SC5D: variants seen among roughly 807,000 people sequenced by gnomAD.
SC5D encodes the protein sterol-C5-desaturase, also known as lathosterol oxidase.
SC5D carries 21 observed loss-of-function variants against 23.9 expected under a neutral mutation model. The ratio of observed to expected loss-of-function variants is 0.88; its 90% CI spans 0.62 to 1.26. SC5D has a LOEUF of 1.26. Among genes scored for constraint, SC5D ranks in the 50% most tolerant of loss-of-function variants. The pLI is 0.00. For missense variants in SC5D, 309 were observed against 364.8 expected (o/e 0.85, Z 1.25); for synonymous variants, 113 against 125.9 (o/e 0.90, Z 0.68).
intron 1 of SC5D, among the ~76,000 whole-genome samples, chr11:121,299,207 T>C (rs1947909908): frequency 6.6e-6 from 1 of 152,224 alleles, no homozygotes; most frequent in African/African-American, 2.4e-5. Context: ...ATGACATTGG[T>C]AGAAATCTTT....
At chr11:121,298,830 A>AG (rs764995246) in intron 1 of SC5D, among the ~76,000 whole-genome samples, 1 of 152,174 alleles carries the variant, frequency 6.6e-6, no homozygotes, top group African/African-American at 2.4e-5. Context: ...AAAAGGAGTT[A>AG]GGGGTGGGGC....
intron 1 of SC5D, among the ~76,000 whole-genome samples, chr11:121,294,661 C>T (rs754826078): frequency 6.6e-5 from 10 of 152,114 alleles, no homozygotes; most frequent in Admixed American, 1.3e-4. Context: ...GCATTTTTGA[C>T]GGCCTTAACA....
intron 1 of SC5D, among the ~76,000 whole-genome samples, chr11:121,293,288 C>A (rs1947865037): frequency 6.6e-6 from 1 of 152,234 alleles, no homozygotes; most frequent in Non-Finnish European, 1.5e-5. Flanking sequence ...TTGCAGATCT[C>A]TTACTCAAGG....
At chr11:121,299,074 G>T (rs180958231) in intron 1 of SC5D, among the ~76,000 whole-genome samples, 1 of 152,200 alleles carries the variant, frequency 6.6e-6, no homozygotes, top group African/African-American at 2.4e-5. Flanking sequence ...TGACAATAGC[G>T]GGAAGATAGT....
At chr11:121,300,965 G>A (rs572040779) in intron 1 of SC5D, among the ~76,000 whole-genome samples, 4 of 152,308 alleles carry the variant, frequency 2.6e-5, no homozygotes, top group South Asian at 2.1e-4. Context: ...ATTACTTAAC[G>A]CACAGCAACA....
rs1014110684 is a variant in SC5D at position 121,311,315 on chromosome 11, A to AT, written c.*3810dup. Among the ~76,000 whole-genome samples, 34 of 152,230 alleles carry AT rather than the reference A, an allele frequency of 2.2e-4. No homozygotes were observed. Among genetic ancestry groups the AT allele is most frequent in the Middle Eastern group, 3.4e-3 (1 of 294 alleles). Reference sequence around the variant, plus strand: ...TCTGATGCTGTCTTTTTGGCCAACCATTTTTTTATCATTTATTCATTAGCT... The same window carrying AT: ...TCTGATGCTGTCTTTTTGGCCAACCATTTTTTTTATCATTTATTCATTAGCT... On this transcript the variant is annotated 3_prime_UTR_variant, in exon 5 of 5. Transcript: ENST00000264027.
At chr11:121,293,623 C>A (rs1947868306) in intron 1 of SC5D, among the ~76,000 whole-genome samples, 1 of 152,156 alleles carries the variant, frequency 6.6e-6, no homozygotes, top group African/African-American at 2.4e-5. Flanking sequence ...CATAGAGTTT[C>A]CAAACTGGAA....
chr11:121,310,661 C>T lies in SC5D; in HGVS notation c.*3149C>T, dbSNP rs1409770236. Among the ~76,000 whole-genome samples the T allele has an allele frequency of 1.3e-5, 2 of 151,954 alleles. No homozygotes were observed. Among genetic ancestry groups the T allele is most frequent in the South Asian group, 2.1e-4 (1 of 4,808 alleles). ...ATTTTTAGTAGAGATGGGGTTTCAC[C>T]GTGTTAGCCAGGATGGTCTTGATCT... On this transcript the variant is annotated 3_prime_UTR_variant, in exon 5 of 5. Coordinates refer to ENST00000264027, the MANE Select transcript of SC5D (RefSeq NM_006918.5).
chr11:121,296,342 A>G (rs369529468), intron 1 of SC5D, among the ~76,000 whole-genome samples: 1 of 152,172 alleles, frequency 6.6e-6, no homozygotes, highest in African/African-American at 2.4e-5. Flanking sequence ...TTACAAGTCC[A>G]TCCCCTAACA....
rs1438435740 is a variant in SC5D, at chr11:121,292,801, G to A, written c.-26G>A. The A allele has an allele frequency of 1.3e-5, 2 of 152,744 alleles. No homozygotes were observed. The highest frequency in any genetic ancestry group is 4.8e-5 in the African/African-American group (2 of 41,556). The allele number at this position is 152,744 out of a possible 1,614,324, so 9.5% of individuals were successfully genotyped here. ...GCAGAGCAGTGGCGTGCGGAGCGGC[G>A]GCGGACCACCTCCAGGTGGGGACGG... On this transcript the variant is annotated 5_prime_UTR_variant, in exon 1 of 5. Transcript: ENST00000264027.
At position 121,309,394 on chromosome 11, in the gene SC5D, G is replaced by T. The variant is rs537323098; in HGVS notation, c.*1882G>T. 6.6e-6 allele frequency among the ~76,000 whole-genome samples: 1 copy of T among 152,130 alleles called. No individual in the cohort carries two copies. The highest frequency in any genetic ancestry group is 6.5e-5 in the Admixed American group (1 of 15,270). On this transcript the variant is annotated 3_prime_UTR_variant, in exon 5 of 5. Transcript: ENST00000264027. ...CACATGGCCCACCTAGAGAGATTTT[G>T]GGAAATGTGTCCAGCTGTGTGCCTG...
At position 121,308,661 on chromosome 11, in the gene SC5D, C is replaced by T. The variant is rs1258656095; in HGVS notation, c.*1149C>T. On this transcript the variant is annotated 3_prime_UTR_variant, in exon 5 of 5. Coordinates refer to ENST00000264027, the MANE Select transcript of SC5D (RefSeq NM_006918.5). Reference sequence around the variant, plus strand: ...GTATCAGTTGAGTATTATAGCAGCACAAAGTATTCTTTGTACAGATTTTGT... The same window carrying T: ...GTATCAGTTGAGTATTATAGCAGCATAAAGTATTCTTTGTACAGATTTTGT... 2 of 152,634 alleles carry T rather than the reference C, an allele frequency of 1.3e-5. No homozygotes were observed. Among genetic ancestry groups the T allele is most frequent in the East Asian group, 1.9e-4 (1 of 5,202 alleles). The allele number at this position is 152,634 out of a possible 1,614,324, so 9.5% of individuals were successfully genotyped here. A position where few individuals can be genotyped will look rare whatever the true frequency, so the allele number is the denominator to read the frequency against.
At position 121,307,154 on chromosome 11, in the gene SC5D, A is replaced by G. The variant is rs746016466; in HGVS notation, c.542A>G (p.His181Arg). The G allele has an allele frequency of 3.1e-6, 5 of 1,614,060 alleles. No homozygotes were observed. The highest frequency in any genetic ancestry group is 3.4e-6 in the Non-Finnish European group (4 of 1,179,942). ...GGCTTTCTTCAGAGTCTACCTTACC[A>G]TATATACCCTTTTATCTTTCCATTA... ...IDGFLQSLPY[H>R]IYPFIFPLHK... The change falls in exon 5 of 5, where the codon CAT becomes CGT. Residue 181 changes from histidine (H) to arginine (R), a missense_variant. Transcript: ENST00000264027.
rs747164306 is a variant in SC5D at position 121,308,569 on chromosome 11, CAT to C, written c.*1059_*1060del. On this transcript the variant is annotated 3_prime_UTR_variant, in exon 5 of 5. Coordinates refer to ENST00000264027, the MANE Select transcript of SC5D (RefSeq NM_006918.5). Reference sequence around the variant, plus strand: ...TGTTGTAACAAATATATTGCAAAAACATAGTTTGTAAAGGCATTCTATAAGCT... The same window carrying C: ...TGTTGTAACAAATATATTGCAAAAACAGTTTGTAAAGGCATTCTATAAGCT... The C allele has an allele frequency of 6.6e-6, 1 of 152,530 alleles. No homozygotes were observed. The highest frequency in any genetic ancestry group is 1.9e-4 in the East Asian group (1 of 5,202). 9.4% of individuals were successfully genotyped at this position (152,530 alleles called of 1,614,324 possible).
At chr11:121,298,687 C>T in intron 1 of SC5D, among the ~76,000 whole-genome samples, 1 of 152,166 alleles carries the variant, frequency 6.6e-6, no homozygotes, top group East Asian at 1.9e-4. Flanking sequence ...GGGGACATTG[C>T]TGAAAGGTTT....
rs1239820473 is a variant in SC5D, at chr11:121,307,166, T to G, written c.554T>G (p.Phe185Cys). The change falls in exon 5 of 5, where the codon TTT becomes TGT. Residue 185 changes from phenylalanine to cysteine, a missense_variant. Transcript: ENST00000264027. ...AGTCTACCTTACCATATATACCCTT[T>G]TATCTTTCCATTACACAAGGTGGTT... is the stretch of plus-strand genomic sequence containing the variant. ...LQSLPYHIYP[F>C]IFPLHKVVYL... is the part of the protein sequence containing the mutation. 6.2e-7 allele frequency: 1 copy of G among 1,614,000 alleles called. No individual in the cohort carries two copies. The highest frequency in any genetic ancestry group is 2.2e-5 in the East Asian group (1 of 44,894).
rs755292471 is a variant in SC5D, at chr11:121,303,508, C to T, written c.133C>T (p.Leu45Phe). The change falls in exon 2 of 5, where the codon CTT becomes TTT. Residue 45 changes from leucine (L) to phenylalanine (F), a missense_variant. Leu to Phe is a conservative substitution (Grantham distance 22). Transcript: ENST00000264027. ...LIVTNVGAYILYFFCATLSYY... is the reference protein window; with the variant it reads ...LIVTNVGAYIFYFFCATLSYY... ...TGTAACAAATGTTGGTGCTTACATCCTTTATTTCTTCTGTGCAACACTGAG... is the reference window on the plus strand; with the variant it reads ...TGTAACAAATGTTGGTGCTTACATCTTTTATTTCTTCTGTGCAACACTGAG... 6.2e-7 allele frequency: 1 copy of T among 1,613,798 alleles called. No homozygotes were observed. Among genetic ancestry groups the T allele is most frequent in the Non-Finnish European group, 8.5e-7 (1 of 1,179,888 alleles).
chr11:121,300,087 A>G (rs934771936), intron 1 of SC5D, among the ~76,000 whole-genome samples: 30 of 152,232 alleles, frequency 2.0e-4, no homozygotes, highest in African/African-American at 7.0e-4. Flanking sequence ...GTGACTTCCA[A>G]AACAGCAGAG....
chr11:121,306,181 A>C, intron 3 of SC5D: 1 of 556,464 alleles, frequency 1.8e-6, no homozygotes, highest in South Asian at 2.0e-5. Context: ...GAACATTTCA[A>C]GTACTTATGC....
Sources: gnomAD v4.1 joint callset for allele counts (sites outside exome capture counted in the v4.1 genomes callset) on GRCh38, gnomAD v4.1.1 for gene constraint, MANE v1.5 for transcripts, NCBI Gene and HGNC (gene_info 2026-07-23, HGNC 2026-07-21) for gene names.